Variants in MBD5 observed in about 807,000 individuals in gnomAD.
MBD5 encodes methyl-CpG-binding domain protein 5.
MBD5 carries 13 observed loss-of-function variants against 117.3 expected under a neutral mutation model. The observed-to-expected ratio is 0.11, with a 90% CI of 0.07 to 0.18. The LOEUF is 0.18. MBD5 is among the 10% of genes least tolerant of loss of function. The pLI is 1.00. For synonymous variants in MBD5, 727 were observed against 766.4 expected, an observed-to-expected ratio of 0.95 and a Z score of 0.85; for missense variants, 1,879 against 2,093.8, an observed-to-expected ratio of 0.90 and a Z score of 2.00.
intron 4 of MBD5, among the ~76,000 whole-genome samples, chr2:148,418,210 AG>A (rs1236323684): frequency 1.5e-4 from 23 of 152,144 alleles, no homozygotes; most frequent in Admixed American, 1.5e-3. Context: ...TCAGATGCAT[AG>A]TTTGCAAATA....
chr2:148,215,030 T>A (rs1699517836), intron 2 of MBD5, among the ~76,000 whole-genome samples: 2 of 152,228 alleles, frequency 1.3e-5, no homozygotes, highest in South Asian at 4.1e-4. Context: ...TCCCTTCATA[T>A]GTTAATATAT....
chr2:148,499,021 G>T (rs768355680), intron 11 of MBD5, among the ~76,000 whole-genome samples: 1 of 152,158 alleles, frequency 6.6e-6, no homozygotes, highest in Non-Finnish European at 1.5e-5. Flanking sequence ...GGTAGGGCAC[G>T]GTGGCTCATG....
At position 148,468,724 on chromosome 2, in the gene MBD5, C is replaced by A. The variant is rs1225084513; in HGVS notation, c.781C>A (p.Pro261Thr). The A allele has an allele frequency of 1.2e-6, 2 of 1,613,916 alleles. No individual in the cohort carries two copies. The highest frequency in any genetic ancestry group is 2.2e-5 in the East Asian group (1 of 44,856). Reference protein sequence around the residue: ...TRSNPGFHGAPNSSPIHLNRT... With the variant: ...TRSNPGFHGATNSSPIHLNRT... ...AAGTAATCCTGGTTTTCATGGAGCT[C>A]CCAATTCTAGTCCTATTCACCTGAA... Residue 261 changes from proline to threonine, a missense_variant, in exon 8 of 14, where the codon CCC becomes ACC. Pro to Thr is a conservative substitution (Grantham distance 38). Transcript: ENST00000642680.
intron 4 of MBD5, among the ~76,000 whole-genome samples, chr2:148,457,521 A>G (rs374482938): frequency 1.3e-5 from 2 of 152,100 alleles, no homozygotes; most frequent in Non-Finnish European, 2.9e-5. Flanking sequence ...CCACACTATC[A>G]TTGATTATGG....
chr2:148,286,185 C>T (rs148595360), intron 3 of MBD5, among the ~76,000 whole-genome samples: 4 of 152,264 alleles, frequency 2.6e-5, no homozygotes, highest in African/African-American at 9.6e-5. Flanking sequence ...CGTTTTAATA[C>T]ATGAACATAT....
intron 4 of MBD5, among the ~76,000 whole-genome samples, chr2:148,415,219 TTA>T (rs1429642974): frequency 1.4e-4 from 21 of 152,316 alleles, no homozygotes; most frequent in African/African-American, 5.1e-4. Flanking sequence ...ACTCCTGTAT[TTA>T]TCAAGCTTAG....
chr2:148,490,051 G>T lies in MBD5; in HGVS notation c.4419G>T (p.Leu1473=), dbSNP rs748173028. 1.1e-5 allele frequency: 18 copies of T among 1,613,940 alleles called. No individual in the cohort carries two copies. Among genetic ancestry groups the T allele is most frequent in the Non-Finnish European group, 1.5e-5 (18 of 1,179,992 alleles). Residue 1473 remains leucine (L), a synonymous_variant, in exon 11 of 14, where the codon CTG becomes CTT. Transcript: ENST00000642680. ...ACAATGTCTCTACACTGCCATTTCT[G>T]CCTGGGGAACAGCACCCAATACTGT... The part of the protein sequence containing the change: ...RPNNVSTLPF[L]PGEQHPILLP...
chr2:148,505,234 G>A (rs1268664731), intron 12 of MBD5, among the ~76,000 whole-genome samples: 1 of 152,162 alleles, frequency 6.6e-6, no homozygotes, highest in African/African-American at 2.4e-5. Context: ...AACACTGACT[G>A]AAGTGGAGGT....
intron 3 of MBD5, among the ~76,000 whole-genome samples, chr2:148,259,309 C>T (rs1700675790): frequency 6.6e-6 from 1 of 152,118 alleles, no homozygotes; most frequent in Admixed American, 6.6e-5. Context: ...AAATGCCCAT[C>T]CAACTCTGCA....
rs145106879 is a variant in MBD5, at chr2:148,490,458, T to C, written c.4826T>C (p.Ile1609Thr). Residue 1609 changes from isoleucine (I) to threonine (T), a missense_variant, in exon 11 of 14, where the codon ATA becomes ACA. By Grantham distance (89) the Ile-to-Thr change is moderately conservative. Around this residue, in one of 4 missense-constraint regions of MBD5, gnomAD observed 135 missense variants for 148.0 expected, o/e 0.91. Transcript: ENST00000642680. ...GACTCCCCCTCTTCAAATGAATTGA[T>C]ACATTATAGACCAAGGACGTTCAAT... is the stretch of plus-strand genomic sequence containing the variant. ...NPDSPSSNEL[I>T]HYRPRTFNVG... 1.2e-6 allele frequency: 2 copies of C among 1,614,190 alleles called. No homozygotes were observed. Among genetic ancestry groups the C allele is most frequent in the Admixed American group, 1.7e-5 (1 of 60,034 alleles).
chr2:148,385,808 T>G (rs1704337847), intron 4 of MBD5, among the ~76,000 whole-genome samples: 1 of 151,450 alleles, frequency 6.6e-6, no homozygotes, highest in Non-Finnish European at 1.5e-5. Context: ...ATGTCCTTAG[T>G]AGGGACATGG....
At chr2:148,490,638 G>T in intron 11 of MBD5, 44 bp downstream of exon 11, 3 of 1,608,744 alleles carry the variant, frequency 1.9e-6, no homozygotes, top group Non-Finnish European at 2.6e-6. Flanking sequence ...CCTTTGTTCA[G>T]ATATCAATTA....
intron 8 of MBD5, chr2:148,470,905 TC>T (rs766780374): frequency 6.1e-6 from 1 of 163,132 alleles, no homozygotes; most frequent in Non-Finnish European, 1.3e-5. Context: ...GGATTTTTTT[TC>T]TTGCTGCTGA....
At chr2:148,368,366 C>T (rs1381950104) in intron 4 of MBD5, among the ~76,000 whole-genome samples, 1 of 151,738 alleles carries the variant, frequency 6.6e-6, no homozygotes, top group Non-Finnish European at 1.5e-5. Flanking sequence ...AGGAGAAATA[C>T]CTAATGTAGA....
chr2:148,117,282 C>T (rs1183096188), intron 1 of MBD5, among the ~76,000 whole-genome samples: 1 of 150,704 alleles, frequency 6.6e-6, no homozygotes, highest in Non-Finnish European at 1.5e-5. Flanking sequence ...ATAACAAGCA[C>T]AGTAATAGAT....
At chr2:148,318,868 A>G (rs569523114) in intron 3 of MBD5, among the ~76,000 whole-genome samples, 2 of 152,220 alleles carry the variant, frequency 1.3e-5, no homozygotes, top group Non-Finnish European at 2.9e-5. Context: ...GACATGCGCC[A>G]TCATGCCCGG....
At chr2:148,391,115 T>G (rs1200584875) in intron 4 of MBD5, among the ~76,000 whole-genome samples, 1 of 152,184 alleles carries the variant, frequency 6.6e-6, no homozygotes, top group Non-Finnish European at 1.5e-5. Context: ...GACTCTTTAA[T>G]AAACCTAGTA....
intron 13 of MBD5, among the ~76,000 whole-genome samples, chr2:148,511,471 G>A (rs1266648948): frequency 6.6e-6 from 1 of 152,218 alleles, no homozygotes; most frequent in Non-Finnish European, 1.5e-5. Flanking sequence ...CTCTCCAGAA[G>A]GCATTCCTTC....
chr2:148,214,339 A>G (rs973958273), intron 2 of MBD5, among the ~76,000 whole-genome samples: 2 of 152,182 alleles, frequency 1.3e-5, no homozygotes, highest in African/African-American at 4.8e-5. Context: ...TGAAATTTGA[A>G]TTTTATGTAA....
Sources: allele counts gnomAD v4.1 joint callset (sites outside exome capture counted in the v4.1 genomes callset), GRCh38; gene constraint gnomAD v4.1.1; regional missense constraint gnomAD v4.1.1; transcripts MANE v1.5; gene names NCBI Gene and HGNC (gene_info 2026-07-23, HGNC 2026-07-21).